SPOCK1: variants seen among roughly 807,000 people sequenced by gnomAD.
SPOCK1 encodes testican-1.
A neutral mutation model predicts 55.3 loss-of-function variants in SPOCK1; 23 were observed. That is an observed-to-expected ratio of 0.42 (90% confidence interval 0.30 to 0.59). The LOEUF (loss-of-function observed/expected upper bound fraction) is 0.59. Ranked by LOEUF, SPOCK1 falls within the 20% of genes least tolerant of loss-of-function variation. SPOCK1 has a pLI of 0.22. For missense variants in SPOCK1, 499 were observed against 552.5 expected, an observed-to-expected ratio of 0.90 and a Z score of 0.97; for synonymous variants, 226 against 221.0, an observed-to-expected ratio of 1.02 and a Z score of -0.20.
intron 2 of SPOCK1, among the ~76,000 whole-genome samples, chr5:137,292,655 G>A (rs554272474): frequency 9.2e-5 from 14 of 151,972 alleles, no homozygotes; most frequent in Non-Finnish European, 1.6e-4. Context: ...ATGCACTGAC[G>A]CATCTTTAAG....
intron 6 of SPOCK1, among the ~76,000 whole-genome samples, chr5:137,004,978 T>C (rs1230480894): frequency 6.6e-6 from 1 of 152,190 alleles, no homozygotes; most frequent in African/African-American, 2.4e-5. Flanking sequence ...AAGAGCAAAA[T>C]GGCCTAGAGG....
intron 3 of SPOCK1, among the ~76,000 whole-genome samples, chr5:137,219,501 T>C (rs1755804708): frequency 6.6e-6 from 1 of 152,232 alleles, no homozygotes; most frequent in Non-Finnish European, 1.5e-5. Flanking sequence ...AGGACTCGCA[T>C]TTCTGAATTC....
At chr5:137,233,242 A>G (rs1437985718) in intron 3 of SPOCK1, among the ~76,000 whole-genome samples, 1 of 152,210 alleles carries the variant, frequency 6.6e-6, no homozygotes, top group Non-Finnish European at 1.5e-5. Context: ...AAATAATTAT[A>G]CAACTCACCA....
At chr5:137,252,626 C>T (rs1040559927) in intron 3 of SPOCK1, among the ~76,000 whole-genome samples, 3 of 152,210 alleles carry the variant, frequency 2.0e-5, no homozygotes, top group South Asian at 4.1e-4. Context: ...CAGATATAAA[C>T]ACTAGGCACA....
chr5:137,239,466 G>A (rs907912148), intron 3 of SPOCK1, among the ~76,000 whole-genome samples: 3 of 152,136 alleles, frequency 2.0e-5, no homozygotes, highest in Admixed American at 1.3e-4. Flanking sequence ...AACATGAGAC[G>A]GGAGGTGTGG....
intron 6 of SPOCK1, among the ~76,000 whole-genome samples, chr5:137,052,841 C>G (rs929061589): frequency 6.6e-6 from 1 of 151,444 alleles, no homozygotes; most frequent in Non-Finnish European, 1.5e-5. Flanking sequence ...TTGTATTTTG[C>G]AGTATTTTTA....
intron 2 of SPOCK1, among the ~76,000 whole-genome samples, chr5:137,431,353 G>A (rs4976437): frequency 1 from 152,200 of 152,368 alleles, 76,016 homozygotes; most frequent in Middle Eastern, 1. Context: ...CACTGGCTGC[G>A]TGGGGCTGGA....
At chr5:137,496,135 G>A (rs1754294821) in intron 2 of SPOCK1, among the ~76,000 whole-genome samples, 1 of 152,052 alleles carries the variant, frequency 6.6e-6, no homozygotes, top group Non-Finnish European at 1.5e-5. Flanking sequence ...CTAAACATTA[G>A]AATAACCTAG....
At chr5:137,457,335 G>A (rs1340182745) in intron 2 of SPOCK1, among the ~76,000 whole-genome samples, 3 of 152,194 alleles carry the variant, frequency 2.0e-5, no homozygotes, top group Non-Finnish European at 4.4e-5. Context: ...TGCAGGATGA[G>A]TCTGAGCAGA....
intron 6 of SPOCK1, 62 bp from the exon 7 acceptor site, chr5:136,992,662 GCTACTGGCAAAGC>G: frequency 3.7e-6 from 5 of 1,353,546 alleles, no homozygotes; most frequent in Non-Finnish European, 5.2e-6. Flanking sequence ...TGTGTGCAGG[GCTACTGGCAAAGC>G]CACGTTCAAA....
At chr5:136,978,971 G>T in intron 10 of SPOCK1, 127 bp from the exon 11 acceptor site, 2 of 1,013,800 alleles carry the variant, frequency 2.0e-6, no homozygotes, top group Non-Finnish European at 2.8e-6. Flanking sequence ...AAACATCCCT[G>T]CCCCACTGAG....
intron 5 of SPOCK1, among the ~76,000 whole-genome samples, chr5:137,083,353 G>T (rs750203859): frequency 2.6e-5 from 4 of 152,138 alleles, no homozygotes; most frequent in Non-Finnish European, 5.9e-5. Flanking sequence ...CTAAACAAAT[G>T]AACCTGGGTT....
intron 2 of SPOCK1, among the ~76,000 whole-genome samples, chr5:137,345,979 C>T (rs142761411): frequency 5.6e-4 from 86 of 152,330 alleles, no homozygotes; most frequent in African/African-American, 1.9e-3. Context: ...TCATCACTGC[C>T]ATCTTATCAG....
At chr5:137,301,180 G>A (rs1426295465) in intron 2 of SPOCK1, among the ~76,000 whole-genome samples, 1 of 152,118 alleles carries the variant, frequency 6.6e-6, no homozygotes, top group African/African-American at 2.4e-5. Context: ...AGGACCTATA[G>A]AGGGACCTCC....
intron 2 of SPOCK1, among the ~76,000 whole-genome samples, chr5:137,359,044 G>A (rs1010571283): frequency 9.2e-5 from 14 of 152,328 alleles, no homozygotes; most frequent in African/African-American, 3.4e-4. Flanking sequence ...GCCTCAAAGG[G>A]AGTCTAAATA....
At chr5:137,328,113 T>G (rs892433831) in intron 2 of SPOCK1, among the ~76,000 whole-genome samples, 2 of 152,162 alleles carry the variant, frequency 1.3e-5, no homozygotes, top group African/African-American at 4.8e-5. Context: ...GAGAACAAAT[T>G]GTGCAAAATG....
At chr5:137,435,324 A>G (rs758348767) in intron 2 of SPOCK1, among the ~76,000 whole-genome samples, 4 of 152,244 alleles carry the variant, frequency 2.6e-5, no homozygotes, top group Non-Finnish European at 5.9e-5. Flanking sequence ...TAAAGTTCTA[A>G]TAAGACCTGC....
chr5:137,161,166 G>T (rs1821472), intron 3 of SPOCK1, among the ~76,000 whole-genome samples: 19,331 of 146,724 alleles, frequency 0.13, 1,416 homozygotes, highest in South Asian at 0.22. Flanking sequence ...TAATATATAC[G>T]CTATTCCTAG....
intron 6 of SPOCK1, among the ~76,000 whole-genome samples, chr5:137,008,063 C>T (rs1464969758): frequency 1.3e-5 from 2 of 150,544 alleles, no homozygotes; most frequent in Non-Finnish European, 2.9e-5. Context: ...ACCGTATGTT[C>T]TCACTCATAA....
Sources: allele counts gnomAD v4.1 joint callset (sites outside exome capture counted in the v4.1 genomes callset), GRCh38; gene constraint gnomAD v4.1.1; transcripts MANE v1.5; gene names NCBI Gene and HGNC (gene_info 2026-07-23, HGNC 2026-07-21).